The following LAPTM4B variants were observed in gnomAD, a reference collection of about 807,000 sequenced individuals.
LAPTM4B encodes the protein lysosomal-associated transmembrane protein 4B.
LAPTM4B carries 26 observed loss-of-function variants against 28.5 expected under a neutral mutation model. The observed-to-expected ratio is 0.91, with a 90% CI of 0.67 to 1.27. LAPTM4B has a LOEUF of 1.27. Ranked by LOEUF, LAPTM4B falls within the 50% of genes most tolerant of loss-of-function variation. The pLI, the probability that LAPTM4B is intolerant of heterozygous loss-of-function variation, is 0.00. For synonymous variants in LAPTM4B, 109 were observed against 106.4 expected, an observed-to-expected ratio of 1.02 and a Z score of -0.15; for missense variants, 288 against 285.8, an observed-to-expected ratio of 1.01 and a Z score of -0.06.
chr8:97,780,050 CA>C (rs57555167), intron 1 of LAPTM4B, among the ~76,000 whole-genome samples: 54,160 of 91,816 alleles, frequency 0.59, 12,188 homozygotes, highest in Middle Eastern at 0.68. Context: ...GACTCTGTCT[CA>C]AAAAAAAAAA....
rs771404431 is a variant in LAPTM4B, at chr8:97,775,903, A to G, written c.-107A>G. ...CGGGCGCACGGGCGAGCGGGCCGGG[A>G]GCCGGAGCGGCGGAGGAGCCGGCAG... On this transcript the variant is annotated 5_prime_UTR_variant, in exon 1 of 7. Coordinates refer to ENST00000521545, the MANE Select transcript of LAPTM4B (RefSeq NM_018407.6). The G allele has an allele frequency of 3.5e-5, 50 of 1,447,940 alleles. No individual in the cohort carries two copies. Among genetic ancestry groups the G allele is most frequent in the Non-Finnish European group, 1.8e-6 (2 of 1,107,222 alleles). 89.7% of individuals were successfully genotyped at this position (1,447,940 alleles called of 1,614,324 possible).
At chr8:97,837,852 T>A (rs1817285896) in intron 6 of LAPTM4B, among the ~76,000 whole-genome samples, 1 of 152,238 alleles carries the variant, frequency 6.6e-6, no homozygotes, top group South Asian at 2.1e-4. Context: ...GCTTCTTGCC[T>A]ACTAAGTTTA....
intron 2 of LAPTM4B, among the ~76,000 whole-genome samples, chr8:97,806,019 AG>A (rs1444975766): frequency 6.6e-6 from 1 of 152,162 alleles, no homozygotes; most frequent in Non-Finnish European, 1.5e-5. Context: ...GCCAAAGGAG[AG>A]GAGTAGTGCT....
chr8:97,827,394 T>C (rs969555981), intron 6 of LAPTM4B, among the ~76,000 whole-genome samples: 1 of 152,216 alleles, frequency 6.6e-6, no homozygotes, highest in African/African-American at 2.4e-5. Flanking sequence ...GGAGGTTCCT[T>C]GAGGGTGGTA....
intron 2 of LAPTM4B, among the ~76,000 whole-genome samples, chr8:97,806,856 C>CT (rs1816761624): frequency 6.6e-6 from 1 of 152,150 alleles, no homozygotes; most frequent in Non-Finnish European, 1.5e-5. Context: ...ACTTGGGAGG[C>CT]TGAGGCAGGA....
intron 1 of LAPTM4B, among the ~76,000 whole-genome samples, chr8:97,789,175 G>A (rs1479692520): frequency 6.6e-6 from 1 of 151,268 alleles, no homozygotes; most frequent in Non-Finnish European, 1.5e-5. Flanking sequence ...CCAGGTTCAA[G>A]CGATTGTCCT....
chr8:97,849,383 C>G (rs1478947540), intron 6 of LAPTM4B, among the ~76,000 whole-genome samples: 5 of 152,130 alleles, frequency 3.3e-5, no homozygotes, highest in Non-Finnish European at 7.3e-5. Context: ...GTTCCCTGGA[C>G]ACCTAGGTGC....
intron 1 of LAPTM4B, among the ~76,000 whole-genome samples, chr8:97,784,350 T>G (rs1181171759): frequency 2.6e-5 from 4 of 152,228 alleles, no homozygotes; most frequent in Admixed American, 2.6e-4. Context: ...GCTAAAGAGT[T>G]TGGATTTTAT....
At chr8:97,806,906 C>T (rs141213838) in intron 2 of LAPTM4B, among the ~76,000 whole-genome samples, 155 of 152,168 alleles carry the variant, frequency 1.0e-3, no homozygotes, top group African/African-American at 3.6e-3. Context: ...TGCAGTGAGC[C>T]GAGATCGCGC....
intron 1 of LAPTM4B, among the ~76,000 whole-genome samples, chr8:97,785,042 G>T (rs971519599): frequency 1.3e-5 from 2 of 151,946 alleles, no homozygotes; most frequent in Admixed American, 1.3e-4. Flanking sequence ...TAGAACATTG[G>T]TTGGTGGAGA....
chr8:97,845,881 CCCCT>C (rs1817425162), intron 6 of LAPTM4B, among the ~76,000 whole-genome samples: 1 of 72,838 alleles, frequency 1.4e-5, no homozygotes, highest in African/African-American at 4.7e-5. Flanking sequence ...CCCCTCCCCT[CCCCT>C]CCCCTCCCCT....
At chr8:97,828,053 TGTATACGTGTGGGTCACAG>T (rs2129818537) in intron 6 of LAPTM4B, among the ~76,000 whole-genome samples, 1 of 152,334 alleles carries the variant, frequency 6.6e-6, no homozygotes, top group East Asian at 1.9e-4. Context: ...GCCTTCTGGA[TGTATACGTGTGGGTCACAG>T]AGGTTACAAT....
intron 1 of LAPTM4B, among the ~76,000 whole-genome samples, chr8:97,804,270 A>G: frequency 6.6e-6 from 1 of 152,166 alleles, no homozygotes; most frequent in South Asian, 2.1e-4. Context: ...AATCCTTGCT[A>G]CCCCAGCCCC....
At chr8:97,835,753 G>T (rs1343830029) in intron 6 of LAPTM4B, among the ~76,000 whole-genome samples, 1 of 152,166 alleles carries the variant, frequency 6.6e-6, no homozygotes, top group Non-Finnish European at 1.5e-5. Context: ...AAATCACATG[G>T]TGGGTGTATA....
intron 5 of LAPTM4B, among the ~76,000 whole-genome samples, chr8:97,821,426 A>T (rs961218188): frequency 1.3e-5 from 2 of 152,170 alleles, no homozygotes; most frequent in Admixed American, 6.5e-5. Flanking sequence ...ACAAGAGTAC[A>T]TAGAGTGGGT....
At chr8:97,821,710 C>T (rs1586336424) in intron 5 of LAPTM4B, among the ~76,000 whole-genome samples, 3 of 152,058 alleles carry the variant, frequency 2.0e-5, no homozygotes, top group South Asian at 2.1e-4. Context: ...AAGGGGCCAG[C>T]GAGTCTGGAT....
chr8:97,841,275 T>C (rs1430584224), intron 6 of LAPTM4B, among the ~76,000 whole-genome samples: 3 of 152,270 alleles, frequency 2.0e-5, no homozygotes, highest in South Asian at 2.1e-4. Context: ...TGTTTACTTA[T>C]AGTATATATC....
At chr8:97,802,118 AAG>A (rs1328493352) in intron 1 of LAPTM4B, among the ~76,000 whole-genome samples, 1 of 152,228 alleles carries the variant, frequency 6.6e-6, no homozygotes, top group African/African-American at 2.4e-5. Context: ...TCCAGACCCC[AAG>A]AGAGGGTTCT....
chr8:97,826,728 C>T (rs868226567), intron 6 of LAPTM4B, among the ~76,000 whole-genome samples: 4 of 152,102 alleles, frequency 2.6e-5, no homozygotes, highest in African/African-American at 4.8e-5. Context: ...AGATTGGTCT[C>T]GAACTCCTGA....
Sources: gnomAD v4.1 joint callset for allele counts (sites outside exome capture counted in the v4.1 genomes callset) on GRCh38, gnomAD v4.1.1 for gene constraint, MANE v1.5 for transcripts, NCBI Gene and HGNC (gene_info 2026-07-23, HGNC 2026-07-21) for gene names.